The following MRE11 variants were observed in gnomAD, a reference collection of about 807,000 sequenced individuals.
MRE11 encodes double-strand break repair protein MRE11.
Under a neutral mutation model 91.7 loss-of-function variants are expected in MRE11, and 62 were observed. The ratio of observed to expected loss-of-function variants is 0.68; its 90% confidence interval spans 0.55 to 0.84. MRE11 has a LOEUF of 0.84. MRE11 is among the 40% of genes least tolerant of loss of function. The pLI, the probability that MRE11 is intolerant of heterozygous loss-of-function variation, is 0.00. For missense variants in MRE11, 796 were observed against 852.9 expected (o/e 0.93, Z 0.83); for synonymous variants, 273 against 271.4 (o/e 1.01, Z -0.06).
chr11:94,423,325 T>C (rs939466333), intron 19 of MRE11, among the ~76,000 whole-genome samples: 57 of 152,158 alleles, frequency 3.7e-4, no homozygotes, highest in African/African-American at 1.3e-3. Context: ...ACCTCAGAGA[T>C]CCTAGCTACA....
chr11:94,450,973 G>C (rs533947304), intron 14 of MRE11, among the ~76,000 whole-genome samples: 13 of 152,224 alleles, frequency 8.5e-5, no homozygotes, highest in South Asian at 4.1e-4. Context: ...TTAGAAATAA[G>C]AGGGACGGGC....
At chr11:94,421,877 G>A (rs925172921) in intron 19 of MRE11, among the ~76,000 whole-genome samples, 2 of 152,176 alleles carry the variant, frequency 1.3e-5, no homozygotes, top group Admixed American at 1.3e-4. Context: ...AGAGAAAGTG[G>A]AATGGTAGTT....
rs1261615012 is a variant in MRE11 at position 94,419,631 on chromosome 11, A to G, written c.*494T>C. ...TTATTCTACTCTTTTAAATAAAAAC[A>G]TATCTGTTCAAACTATTAGGTACTT... On this transcript the variant is annotated 3_prime_UTR_variant, in exon 20 of 20. Transcript: ENST00000323929. 3.0e-5 allele frequency: 7 copies of G among 233,214 alleles called. No homozygotes were observed. The highest frequency in any genetic ancestry group is 4.2e-5 in the Non-Finnish European group (5 of 118,208). 14.4% of individuals were successfully genotyped at this position (233,214 alleles called of 1,614,324 possible). A position where few individuals can be genotyped will look rare whatever the true frequency, so the allele number is the denominator to read the frequency against.
chr11:94,440,305 A>C (rs1006542383), intron 16 of MRE11, among the ~76,000 whole-genome samples: 1 of 152,204 alleles, frequency 6.6e-6, no homozygotes, highest in Non-Finnish European at 1.5e-5. Flanking sequence ...ACACAAATAG[A>C]AGCTTTATTC....
chr11:94,441,228 C>A (rs531013079), intron 16 of MRE11, among the ~76,000 whole-genome samples: 2 of 152,294 alleles, frequency 1.3e-5, no homozygotes, highest in African/African-American at 4.8e-5. Context: ...AATAAAAAGT[C>A]ACTTTCTTTA....
rs1424969294 is a variant in MRE11, at chr11:94,417,806, T to C, written c.*2319A>G. On this transcript the variant is annotated 3_prime_UTR_variant, in exon 20 of 20. Transcript: ENST00000323929. ...GAAAAAAGTCTTTTACATACCTGAATTAAAGGTCACATTCCTAAATGCTTG... is the reference window on the plus strand; with the variant it reads ...GAAAAAAGTCTTTTACATACCTGAACTAAAGGTCACATTCCTAAATGCTTG... 1 of 233,032 alleles carries C rather than the reference T, an allele frequency of 4.3e-6. No individual in the cohort carries two copies. Among genetic ancestry groups the C allele is most frequent in the African/African-American group, 2.2e-5 (1 of 45,352 alleles). 14.4% of individuals were successfully genotyped at this position (233,032 alleles called of 1,614,324 possible). A position where few individuals can be genotyped will look rare whatever the true frequency, so the allele number is the denominator to read the frequency against.
At chr11:94,422,320 G>A (rs887272967) in intron 19 of MRE11, among the ~76,000 whole-genome samples, 2 of 152,044 alleles carry the variant, frequency 1.3e-5, no homozygotes, top group South Asian at 2.1e-4. Context: ...TTGCAGACGC[G>A]ATCTGGAACT....
upstream of MRE11, chr11:94,498,321 A>T: frequency 6.2e-7 from 1 of 1,614,004 alleles, no homozygotes. Context: ...ATCAATGCCC[A>T]AACAAAAGGC....
At chr11:94,463,805 T>TA (rs747482729) in intron 11 of MRE11, among the ~76,000 whole-genome samples, 1 of 144,160 alleles carries the variant, frequency 6.9e-6, no homozygotes, top group Non-Finnish European at 1.5e-5. Flanking sequence ...GGGGGAGGGA[T>TA]AGCATTAAGA....
intron 3 of MRE11, among the ~76,000 whole-genome samples, chr11:94,486,732 G>C (rs947984732): frequency 9.9e-5 from 15 of 152,148 alleles, no homozygotes; most frequent in African/African-American, 3.6e-4. Context: ...ACTCAAGGGA[G>C]GACAATTCGC....
chr11:94,498,330 G>C (rs1947447803), upstream of MRE11: 1 of 1,613,866 alleles, frequency 6.2e-7, no homozygotes, highest in African/African-American at 1.3e-5. Flanking sequence ...CAAACAAAAG[G>C]CCTCTTGACC....
intron 17 of MRE11, among the ~76,000 whole-genome samples, chr11:94,436,885 A>G (rs1399496585): frequency 1.3e-5 from 2 of 152,238 alleles, no homozygotes; most frequent in Non-Finnish European, 2.9e-5. Context: ...CTCACCTTCA[A>G]TATTAGTATT....
At chr11:94,467,783 T>G in intron 10 of MRE11, 30 bp downstream of exon 10, 1 of 1,538,706 alleles carries the variant, frequency 6.5e-7, no homozygotes, top group Non-Finnish European at 9.0e-7. Context: ...TGAAAATTAA[T>G]AATATTCAAT....
chr11:94,484,879 C>T (rs1167804606), intron 4 of MRE11, among the ~76,000 whole-genome samples: 2 of 152,114 alleles, frequency 1.3e-5, no homozygotes, highest in Admixed American at 1.3e-4. Context: ...ATTAAGGAAA[C>T]GTTTCTACTA....
intron 10 of MRE11, 118 bp from the exon 11 acceptor site, chr11:94,464,357 T>C: frequency 1.5e-6 from 2 of 1,365,340 alleles, no homozygotes; most frequent in South Asian, 1.3e-5. Context: ...ATTTATGAAT[T>C]AATTTTCTAC....
At chr11:94,510,175 T>A in the MRE11 span, among the ~76,000 whole-genome samples, 1 of 152,186 alleles carries the variant, frequency 6.6e-6, no homozygotes, top group Non-Finnish European at 1.5e-5. Context: ...AGTAGTTATA[T>A]TTTTATAACT....
At chr11:94,456,193 C>T in intron 14 of MRE11, 83 bp downstream of exon 14, 1 of 1,309,684 alleles carries the variant, frequency 7.6e-7, no homozygotes, top group South Asian at 1.2e-5. Flanking sequence ...GACCTATGGA[C>T]TGACTATTCT....
rs145965220 is a variant in MRE11 at position 94,421,238 on chromosome 11, A to T, written c.2071-1057T>A. Reference sequence around the variant, plus strand: ...AGAAAATAAAGCAAATTTGTTTATAAGTTTTTTATTTGTGTTTAAGACATT... The same window carrying T: ...AGAAAATAAAGCAAATTTGTTTATATGTTTTTTATTTGTGTTTAAGACATT... On this transcript the variant is annotated intron_variant, in intron 19 of 19. Transcript: ENST00000323929. Among the ~76,000 whole-genome samples, 5 of 152,298 alleles carry T rather than the reference A, an allele frequency of 3.3e-5. No homozygotes were observed. In the East Asian group the frequency reaches 9.6e-4, roughly 29 times the overall value.
chr11:94,467,432 T>C (rs570325216), intron 10 of MRE11, among the ~76,000 whole-genome samples: 1 of 152,144 alleles, frequency 6.6e-6, no homozygotes, highest in South Asian at 2.1e-4. Context: ...GCAATCTTGA[T>C]GATAGGGCTG....
Sources: allele counts gnomAD v4.1 joint callset (sites outside exome capture counted in the v4.1 genomes callset), GRCh38; gene constraint gnomAD v4.1.1; transcripts MANE v1.5; gene names NCBI Gene and HGNC (gene_info 2026-07-23, HGNC 2026-07-21).